The following TENM2 variants were observed in gnomAD, a reference collection of about 807,000 sequenced individuals.
TENM2 encodes teneurin transmembrane protein 2.
In TENM2, 52 loss-of-function variants were observed where a neutral mutation model predicts 245.2. That is an observed-to-expected ratio of 0.21 (90% confidence interval 0.17 to 0.27). The LOEUF is 0.27. TENM2 is among the 10% of genes least tolerant of loss of function. The probability of loss-of-function intolerance (pLI) is 1.00; values close to 1 mark genes in which losing one functional copy is unlikely to be tolerated. For missense variants in TENM2, 3,046 were observed against 3,666.8 expected, an observed-to-expected ratio of 0.83 and a Z score of 4.37; for synonymous variants, 1,363 against 1,438.9, an observed-to-expected ratio of 0.95 and a Z score of 1.19.
intron 14 of TENM2, among the ~76,000 whole-genome samples, chr5:168,194,772 C>T (rs961745795): frequency 2.6e-5 from 4 of 152,082 alleles, no homozygotes; most frequent in African/African-American, 9.7e-5. Flanking sequence ...AGAAGAGTAA[C>T]ATGGCCATCC....
chr5:168,047,850 G>C (rs182288343), intron 6 of TENM2, among the ~76,000 whole-genome samples: 2 of 152,158 alleles, frequency 1.3e-5, no homozygotes, highest in Non-Finnish European at 2.9e-5. Context: ...CCCAGGGCCT[G>C]TGCAGAAACA....
At chr5:167,392,243 T>A (rs1381191393) in intron 2 of TENM2, among the ~76,000 whole-genome samples, 1 of 152,156 alleles carries the variant, frequency 6.6e-6, no homozygotes, top group Non-Finnish European at 1.5e-5. Context: ...CTCATATAAT[T>A]GTAAACTAGT....
At chr5:167,165,817 A>G in the TENM2 span, among the ~76,000 whole-genome samples, 1,582 of 152,342 alleles carry the variant, frequency 0.01, 27 homozygotes, top group African/African-American at 0.036. Context: ...GTTTATGTCT[A>G]TACAGCCAGA....
chr5:167,075,246 G>A, the TENM2 span, among the ~76,000 whole-genome samples: 1 of 152,156 alleles, frequency 6.6e-6, no homozygotes. Flanking sequence ...GTAGAATGGA[G>A]CCTGCCATGG....
chr5:167,757,716 A>C (rs1207787914), intron 2 of TENM2, among the ~76,000 whole-genome samples: 1 of 152,154 alleles, frequency 6.6e-6, no homozygotes, highest in Non-Finnish European at 1.5e-5. Context: ...CAACAGTGTA[A>C]AAGCGTTCCT....
the TENM2 span, among the ~76,000 whole-genome samples, chr5:167,048,831 G>A: frequency 6.6e-6 from 1 of 152,116 alleles, no homozygotes; most frequent in Non-Finnish European, 1.5e-5. Flanking sequence ...TGGACCAGAA[G>A]ATGTCTGAGG....
intron 5 of TENM2, among the ~76,000 whole-genome samples, chr5:168,012,273 A>G (rs1238982807): frequency 6.6e-6 from 1 of 152,190 alleles, no homozygotes; most frequent in African/African-American, 2.4e-5. Flanking sequence ...CCATTGTAAA[A>G]CAATCCATGT....
chr5:168,184,047 A>G (rs1760172521), intron 13 of TENM2, among the ~76,000 whole-genome samples: 1 of 152,158 alleles, frequency 6.6e-6, no homozygotes, highest in African/African-American at 2.4e-5. Flanking sequence ...CAGTGCCCAG[A>G]AAGTTTCCCT....
chr5:168,262,336 C>T, exon 29 of TENM2: 1 of 1,609,360 alleles, frequency 6.2e-7, no homozygotes, highest in Non-Finnish European at 8.5e-7. Context: ...AGGGCAAGGA[C>T]ACCCACTACT....
At chr5:167,445,336 T>TAGGGAGAGAGAGAGAGAGAG (rs1554154175) in intron 2 of TENM2, among the ~76,000 whole-genome samples, 1 of 77,316 alleles carries the variant, frequency 1.3e-5, no homozygotes, top group African/African-American at 5.6e-5. Context: ...TATATATATA[T>TAGGGAGAGAGAGAGAGAGAG]AGAGAGAGAG....
the TENM2 span, among the ~76,000 whole-genome samples, chr5:167,163,284 G>T: frequency 6.6e-6 from 1 of 152,074 alleles, no homozygotes; most frequent in Non-Finnish European, 1.5e-5. Flanking sequence ...TGGTGACAGG[G>T]TCTTGTGATG....
chr5:167,917,456 T>A (rs1156258682), intron 3 of TENM2, among the ~76,000 whole-genome samples: 1 of 152,068 alleles, frequency 6.6e-6, no homozygotes, highest in African/African-American at 2.4e-5. Flanking sequence ...AGGGAGTTTT[T>A]AAAATAATAG....
chr5:167,202,955 T>C, the TENM2 span, among the ~76,000 whole-genome samples: 3 of 152,176 alleles, frequency 2.0e-5, no homozygotes, highest in Non-Finnish European at 4.4e-5. Context: ...TGGTAAGTAA[T>C]ATTATCCACA....
chr5:168,197,598 GC>G (rs1761555148), intron 15 of TENM2, among the ~76,000 whole-genome samples: 1 of 151,636 alleles, frequency 6.6e-6, no homozygotes, highest in African/African-American at 2.4e-5. Flanking sequence ...TACTTGGGAG[GC>G]TAAGGCAGGA....
At chr5:167,509,893 G>A (rs1406898189) in intron 2 of TENM2, among the ~76,000 whole-genome samples, 1 of 152,164 alleles carries the variant, frequency 6.6e-6, no homozygotes, top group Non-Finnish European at 1.5e-5. Flanking sequence ...TGACTCCCAA[G>A]CCCATATGGT....
At chr5:167,169,987 C>A in the TENM2 span, among the ~76,000 whole-genome samples, 1 of 152,144 alleles carries the variant, frequency 6.6e-6, no homozygotes, top group Non-Finnish European at 1.5e-5. Context: ...TACCACTGAC[C>A]CATGTTTCTT....
At chr5:167,994,878 C>G (rs1171958194) in intron 5 of TENM2, among the ~76,000 whole-genome samples, 1 of 152,160 alleles carries the variant, frequency 6.6e-6, no homozygotes, top group Non-Finnish European at 1.5e-5. Context: ...CCCTCTGAAT[C>G]TCTTGAGTAC....
At chr5:167,903,886 T>C (rs760342683) in intron 3 of TENM2, among the ~76,000 whole-genome samples, 1 of 152,166 alleles carries the variant, frequency 6.6e-6, no homozygotes, top group African/African-American at 2.4e-5. Context: ...GTGGAAGTTA[T>C]TGGTGGATTT....
At chr5:167,489,724 A>G (rs1768306270) in intron 2 of TENM2, among the ~76,000 whole-genome samples, 2 of 152,214 alleles carry the variant, frequency 1.3e-5, no homozygotes, top group African/African-American at 2.4e-5. Context: ...TGCTAAGCAC[A>G]GTATGTACTG....
Sources: allele counts gnomAD v4.1 joint callset (sites outside exome capture counted in the v4.1 genomes callset), GRCh38; gene constraint gnomAD v4.1.1; transcripts MANE v1.5; gene names NCBI Gene and HGNC (gene_info 2026-07-23, HGNC 2026-07-21).